INTS13: variants seen among roughly 807,000 people sequenced by gnomAD.
The protein encoded by INTS13 is integrator complex subunit 13, also known as asunder, spermatogenesis regulator homolog (Drosphila).
A neutral mutation model predicts 90.2 loss-of-function variants in INTS13; 35 were observed. The observed-to-expected ratio is 0.39, with a 90% confidence interval of 0.30 to 0.51. The LOEUF (loss-of-function observed/expected upper bound fraction) is 0.51. INTS13 is among the 20% of genes least tolerant of loss of function. The pLI, the probability that INTS13 is intolerant of heterozygous loss-of-function variation, is 0.80. For missense variants in INTS13, 601 were observed against 851.2 expected (o/e 0.71, Z 3.66); for synonymous variants, 309 against 277.1 (o/e 1.11, Z -1.14).
At chr12:26,910,115 G>A (rs1951730494) in intron 15 of INTS13, among the ~76,000 whole-genome samples, 1 of 152,154 alleles carries the variant, frequency 6.6e-6, no homozygotes, top group Admixed American at 6.5e-5. Context: ...AAGAGATTAA[G>A]AGGCTTTACA....
chr12:26,935,109 G>A (rs951517780), intron 2 of INTS13, among the ~76,000 whole-genome samples: 9 of 152,200 alleles, frequency 5.9e-5, no homozygotes, highest in Non-Finnish European at 1.0e-4. Flanking sequence ...ATATACCCTG[G>A]AAAGGGTGAA....
rs535572989 is a variant in INTS13, at chr12:26,928,606, C to T, written c.503+97G>A. The T allele has an allele frequency of 6.9e-5, 88 of 1,268,144 alleles. 1 individual carries two copies. In the African/African-American group the frequency reaches 9.3e-4, roughly 13 times the overall value. 78.6% of individuals were successfully genotyped at this position (1,268,144 alleles called of 1,614,324 possible). On this transcript the variant is annotated intron_variant, in intron 4 of 16. Transcript: ENST00000261191. ...AAAGGCCACTTGTAATATGCTTAAA[C>T]GTAAACATGTAAACATGCTGTCTCT...
chr12:26,918,062 C>T (rs1185942828), intron 8 of INTS13, among the ~76,000 whole-genome samples: 3 of 152,004 alleles, frequency 2.0e-5, no homozygotes, highest in Non-Finnish European at 4.4e-5. Flanking sequence ...GCAGAGGTTG[C>T]GGTGAGCTGC....
At chr12:26,917,942 C>T (rs111746314) in intron 8 of INTS13, among the ~76,000 whole-genome samples, 175 of 151,954 alleles carry the variant, frequency 1.2e-3, no homozygotes, top group African/African-American at 4.1e-3. Context: ...ACCAAGATGG[C>T]GAAACCCTGT....
rs1159562622 is a variant in INTS13 at position 26,937,944 on chromosome 12, C to G, written c.-160G>C. Reference sequence around the variant, plus strand: ...GGACTATGCTTTCCCCGATCATCTCCTAGCACACCGGTCCTTCCCAGGCTT... The same window carrying G: ...GGACTATGCTTTCCCCGATCATCTCGTAGCACACCGGTCCTTCCCAGGCTT... On this transcript the variant is annotated 5_prime_UTR_variant, in exon 1 of 17. Transcript: ENST00000261191. 2.6e-5 allele frequency: 4 copies of G among 152,702 alleles called. No homozygotes were observed. The highest frequency in any genetic ancestry group is 4.4e-5 in the Non-Finnish European group (3 of 68,094). The allele number at this position is 152,702 out of a possible 1,614,324, so 9.5% of individuals were successfully genotyped here.
At chr12:26,923,598 C>T (rs1172252350) in intron 7 of INTS13, among the ~76,000 whole-genome samples, 2 of 152,132 alleles carry the variant, frequency 1.3e-5, no homozygotes, top group Admixed American at 6.5e-5. Context: ...TTACTATGGG[C>T]CGGGCACTGT....
chr12:26,928,171 GAACAT>G (rs1937989219), intron 5 of INTS13, 29 bp downstream of exon 5: 10 of 1,451,378 alleles, frequency 6.9e-6, no homozygotes, highest in Non-Finnish European at 9.6e-6. Flanking sequence ...CTATCCACAT[GAACAT>G]ATTTATTTCA....
intron 7 of INTS13, 26 bp from the exon 8 acceptor site, chr12:26,922,726 A>G: frequency 6.7e-7 from 1 of 1,486,774 alleles, no homozygotes; most frequent in Non-Finnish European, 9.0e-7. Flanking sequence ...CAAACATTTT[A>G]AAAAACTTGG....
intron 15 of INTS13, among the ~76,000 whole-genome samples, chr12:26,908,313 C>T (rs1208752631): frequency 2.0e-5 from 3 of 151,998 alleles, no homozygotes; most frequent in African/African-American, 7.3e-5. Flanking sequence ...TATGCATTGT[C>T]TAAACTCACA....
At chr12:26,924,542 G>C in intron 6 of INTS13, 59 bp from the exon 7 acceptor site, 1 of 1,496,764 alleles carries the variant, frequency 6.7e-7, no homozygotes, top group Non-Finnish European at 9.1e-7. Flanking sequence ...GTGACCTACT[G>C]CTAAATATTT....
chr12:26,915,165 G>A (rs2137444171), intron 11 of INTS13, among the ~76,000 whole-genome samples: 1 of 152,262 alleles, frequency 6.6e-6, no homozygotes, highest in South Asian at 2.1e-4. Flanking sequence ...GGCAGAGGTT[G>A]CAGTGAGCCA....
chr12:26,914,235 G>T, intron 12 of INTS13, 107 bp from the exon 13 acceptor site: 1 of 1,206,904 alleles, frequency 8.3e-7, no homozygotes, highest in African/African-American at 1.6e-5. Context: ...TTATCATGGT[G>T]AAGGAATCTA....
chr12:26,924,575 A>G, intron 6 of INTS13, 92 bp from the exon 7 acceptor site: 1 of 1,336,480 alleles, frequency 7.5e-7, no homozygotes, highest in African/African-American at 1.5e-5. Context: ...ATTAAAATTA[A>G]GTATTTTTAA....
intron 7 of INTS13, 136 bp downstream of exon 7, chr12:26,924,219 C>T: frequency 1.2e-6 from 1 of 800,960 alleles, no homozygotes; most frequent in Non-Finnish European, 1.9e-6. Flanking sequence ...TCTCAAACTC[C>T]TGGCCTCAAG....
rs1222188671 is a variant in INTS13, at chr12:26,930,434, AAGAT to A, written c.301-1533_301-1530del. ...AACCAAGATAGTACGGTACTGGCAC[AAGAT>A]AGACATAGAGACACAGAAAGGTTTA... On this transcript the variant is annotated intron_variant, in intron 3 of 16. Transcript: ENST00000261191. 2.0e-5 allele frequency among the ~76,000 whole-genome samples: 3 copies of A among 152,262 alleles called. No individual in the cohort carries two copies. In the East Asian group the frequency reaches 5.8e-4, roughly 29 times the overall value.
In INTS13 at chr12:26,929,085, A is replaced by T. The variant is rs1011294639; in HGVS notation, c.301-180T>A. ...GAATTATACACCATGAACAAGTGGG[A>T]TTTATTCTAGGAATGCAAAGTTTAT... On this transcript the variant is annotated intron_variant, in intron 3 of 16. Coordinates refer to ENST00000261191, the MANE Select transcript of INTS13 (RefSeq NM_018164.3). The T allele has an allele frequency of 1.0e-5, 6 of 572,528 alleles. No homozygotes were observed. In the Admixed American group the frequency reaches 1.3e-4, roughly 13 times the overall value. 35.5% of individuals were successfully genotyped at this position (572,528 alleles called of 1,614,324 possible). A position where few individuals can be genotyped will look rare whatever the true frequency, so the allele number is the denominator to read the frequency against.
At chr12:26,910,934 C>G (rs1398741364) in intron 15 of INTS13, among the ~76,000 whole-genome samples, 1 of 152,072 alleles carries the variant, frequency 6.6e-6, no homozygotes, top group East Asian at 1.9e-4. Context: ...CTCCCAGGTG[C>G]AAGCGACTCT....
At chr12:26,909,366 A>G (rs1332270387) in intron 15 of INTS13, among the ~76,000 whole-genome samples, 1 of 152,184 alleles carries the variant, frequency 6.6e-6, no homozygotes, top group African/African-American at 2.4e-5. Flanking sequence ...ATCTCAATAA[A>G]TAAATAAATA....
In INTS13 at chr12:26,916,122, C is replaced by T. The variant is rs1361830498; in HGVS notation, c.1128G>A (p.Met376Ile). The T allele has an allele frequency of 5.0e-6, 8 of 1,613,752 alleles. No individual in the cohort carries two copies. The highest frequency in any genetic ancestry group is 6.8e-6 in the Non-Finnish European group (8 of 1,179,924). The change falls in exon 11 of 17, where the codon ATG becomes ATA. Residue 376 changes from methionine (M) to isoleucine (I), a missense_variant. Transcript: ENST00000261191. ...AAATCTCTCCTCCATGGCTACTAAG[C>T]ATATGACTAATGACTTTAGAACCTG... ...RKSGSKVISH[M>I]LSSHGGEIFL... is the part of the protein sequence containing the mutation.
Sources: allele counts gnomAD v4.1 joint callset (sites outside exome capture counted in the v4.1 genomes callset), GRCh38; gene constraint gnomAD v4.1.1; transcripts MANE v1.5; gene names NCBI Gene and HGNC (gene_info 2026-07-23, HGNC 2026-07-21).